PTCD2: variants seen among roughly 807,000 people sequenced by gnomAD.
The protein encoded by PTCD2 is pentatricopeptide repeat-containing protein 2, mitochondrial.
A neutral mutation model predicts 42.6 loss-of-function variants in PTCD2; 31 were observed. That is an observed-to-expected ratio of 0.73 (90% CI 0.55 to 0.98). The LOEUF (loss-of-function observed/expected upper bound fraction) is 0.98. Ranked by LOEUF, PTCD2 falls within the 50% of genes least tolerant of loss-of-function variation. The pLI is 0.00. For synonymous variants in PTCD2, 183 were observed against 170.9 expected (o/e 1.07, Z -0.55); for missense variants, 476 against 454.8 (o/e 1.05, Z -0.42).
intron 4 of PTCD2, among the ~76,000 whole-genome samples, chr5:72,332,213 CT>C (rs1166467522): frequency 1.3e-5 from 2 of 152,170 alleles, no homozygotes; most frequent in African/African-American, 2.4e-5. Context: ...GCCTCTTACT[CT>C]TTTTTTATAC....
At chr5:72,334,735 G>C (rs1751637640) in intron 4 of PTCD2, among the ~76,000 whole-genome samples, 1 of 152,012 alleles carries the variant, frequency 6.6e-6, no homozygotes, top group African/African-American at 2.4e-5. Context: ...ATTTTTAGTA[G>C]AGACGGGGTT....
In PTCD2 at chr5:72,358,644, C is replaced by T. The variant is rs1206010319; in HGVS notation, c.*217C>T. On this transcript the variant is annotated 3_prime_UTR_variant, in exon 10 of 10. Coordinates refer to ENST00000380639, the MANE Select transcript of PTCD2 (RefSeq NM_024754.5). ...TGCAAGCTTGGCTCCCTCAGAAAGG[C>T]GCTTCCCTTTTGCATGGCTGAGGAT... 1.4e-5 allele frequency: 8 copies of T among 568,258 alleles called. No individual in the cohort carries two copies. The East Asian group carries it at 1.8e-4, about 13-fold the overall frequency. 35.2% of individuals were successfully genotyped at this position (568,258 alleles called of 1,614,324 possible).
rs1200728548 is a variant in PTCD2, at chr5:72,358,845, T to C, written c.*418T>C. The C allele has an allele frequency of 1.0e-5, 2 of 197,254 alleles. No individual in the cohort carries two copies. The highest frequency in any genetic ancestry group is 2.1e-5 in the Non-Finnish European group (2 of 95,516). The allele number at this position is 197,254 out of a possible 1,614,324, so 12.2% of individuals were successfully genotyped here. On this transcript the variant is annotated 3_prime_UTR_variant, in exon 10 of 10. Transcript: ENST00000380639. ...GGAGGTATGAAACCCTATTTTACCA[T>C]GTTAGAAAACAGCCCAGGATTTTCT...
At chr5:72,346,792 C>G (rs1241640907) in intron 8 of PTCD2, among the ~76,000 whole-genome samples, 1 of 152,064 alleles carries the variant, frequency 6.6e-6, no homozygotes, top group Non-Finnish European at 1.5e-5. Flanking sequence ...CATGATGGGA[C>G]AGAATAGAAC....
chr5:72,338,781 T>A, intron 7 of PTCD2, 46 bp downstream of exon 7: 1 of 1,028,694 alleles, frequency 9.7e-7, no homozygotes, highest in Non-Finnish European at 1.5e-6. Flanking sequence ...TGGCCAGGAC[T>A]TCATTACTTT....
intron 8 of PTCD2, among the ~76,000 whole-genome samples, chr5:72,348,476 A>T (rs927007405): frequency 6.6e-6 from 1 of 152,220 alleles, no homozygotes; most frequent in Admixed American, 6.5e-5. Flanking sequence ...TCCTGTTGCC[A>T]GTGTGACCCA....
chr5:72,326,506 C>A (rs1183471211), intron 2 of PTCD2, 106 bp from the exon 3 acceptor site: 3 of 1,170,336 alleles, frequency 2.6e-6, no homozygotes, highest in Admixed American at 4.0e-5. Context: ...CCTCTCAGTG[C>A]CCCTCTGCAG....
chr5:72,335,606 A>G, intron 5 of PTCD2, 188 bp from the exon 6 acceptor site: 1 of 469,180 alleles, frequency 2.1e-6, no homozygotes, highest in Admixed American at 3.8e-5. Context: ...GCAGCTTTTA[A>G]AACATTAGTT....
intron 3 of PTCD2, among the ~76,000 whole-genome samples, chr5:72,327,943 T>G (rs1751234509): frequency 6.6e-6 from 1 of 152,254 alleles, no homozygotes; most frequent in Admixed American, 6.5e-5. Flanking sequence ...TCTAAATGTA[T>G]ATTTTTCTGA....
chr5:72,328,384 G>A (rs568553517), intron 3 of PTCD2, among the ~76,000 whole-genome samples: 37 of 152,202 alleles, frequency 2.4e-4, no homozygotes, highest in Admixed American at 4.6e-4. Flanking sequence ...GGTTTGAGCT[G>A]CACTGGCCCA....
intron 6 of PTCD2, among the ~76,000 whole-genome samples, chr5:72,337,338 T>C (rs983238652): frequency 1.3e-5 from 2 of 152,020 alleles, no homozygotes; most frequent in African/African-American, 2.4e-5. Flanking sequence ...GACCTCTGGA[T>C]TCAATAATTC....
intron 3 of PTCD2, among the ~76,000 whole-genome samples, chr5:72,328,427 G>A (rs1751257248): frequency 6.6e-6 from 1 of 152,236 alleles, no homozygotes. Context: ...GCATGATAGA[G>A]CTGCCCAGAA....
In PTCD2 at chr5:72,358,236, C is replaced by G; in HGVS notation, c.976C>G (p.Pro326Ala). The change falls in exon 10 of 10, where the codon CCT becomes GCT. Residue 326 changes from proline to alanine, a missense_variant. Coordinates refer to ENST00000380639, the MANE Select transcript of PTCD2 (RefSeq NM_024754.5). ...AGTGAGGGAAAAAGTGAAGGATGTG[C>G]CTGCCCTTGTGGCCAAATTTGATGA... The part of the protein sequence containing the change: ...AKVREKVKDV[P>A]ALVAKFDEIY... The G allele has an allele frequency of 6.2e-7, 1 of 1,614,058 alleles. No individual in the cohort carries two copies. The highest frequency in any genetic ancestry group is 1.1e-5 in the South Asian group (1 of 91,068).
chr5:72,342,993 C>T lies in PTCD2; in HGVS notation c.785C>T (p.Ser262Phe). The T allele has an allele frequency of 6.2e-7, 1 of 1,601,696 alleles. No homozygotes were observed. The highest frequency in any genetic ancestry group is 8.5e-7 in the Non-Finnish European group (1 of 1,174,294). Residue 262 changes from serine (S) to phenylalanine (F), a missense_variant, in exon 8 of 10, where the codon TCT becomes TTT. Transcript: ENST00000380639. ...NEMAKAVSIF[S>F]QIMNPESIAC... is the part of the protein sequence containing the mutation. Reference sequence around the variant, plus strand: ...ATGGCAAAAGCTGTGTCCATTTTTTCTCAAATCATGAATCCAGAAAGCATA... The same window carrying T: ...ATGGCAAAAGCTGTGTCCATTTTTTTTCAAATCATGAATCCAGAAAGCATA...
chr5:72,338,882 C>A, intron 7 of PTCD2, 147 bp downstream of exon 7: 1 of 505,554 alleles, frequency 2.0e-6, no homozygotes, highest in South Asian at 3.6e-5. Context: ...GCCATGGCAA[C>A]CTATATCTAT....
At position 72,337,483 on chromosome 5, in the gene PTCD2, T is replaced by G. The variant is rs534296104; in HGVS notation, c.640-1139T>G. Among the ~76,000 whole-genome samples, 4 of 152,202 alleles carry G rather than the reference T, an allele frequency of 2.6e-5. No individual in the cohort carries two copies. In the South Asian group the frequency reaches 8.3e-4, roughly 32 times the overall value. ...TAGGGATGCCTCCCTGAGTGTATAC[T>G]GCAATGACGAGAATTTCAATTCTAC... On this transcript the variant is annotated intron_variant, in intron 6 of 9. Transcript: ENST00000380639.
intron 2 of PTCD2, among the ~76,000 whole-genome samples, chr5:72,326,016 C>G (rs913195069): frequency 1.3e-5 from 2 of 152,152 alleles, no homozygotes; most frequent in African/African-American, 4.8e-5. Context: ...CTGTTTTCCC[C>G]CCTGCCCATT....
intron 9 of PTCD2, among the ~76,000 whole-genome samples, chr5:72,356,052 G>A (rs1034064821): frequency 6.6e-6 from 1 of 152,158 alleles, no homozygotes; most frequent in Admixed American, 6.5e-5. Flanking sequence ...TTGATTTAAC[G>A]CTTCTTTCTA....
chr5:72,321,875 TC>T (rs780765964), intron 1 of PTCD2, among the ~76,000 whole-genome samples: 6 of 152,210 alleles, frequency 3.9e-5, no homozygotes, highest in Non-Finnish European at 7.3e-5. Context: ...CATTTGTACT[TC>T]AAATCCCAAC....
Sources: allele counts gnomAD v4.1 joint callset (sites outside exome capture counted in the v4.1 genomes callset), GRCh38; gene constraint gnomAD v4.1.1; transcripts MANE v1.5; gene names NCBI Gene and HGNC (gene_info 2026-07-23, HGNC 2026-07-21).